UNC5D: variants seen among roughly 807,000 people sequenced by gnomAD.
UNC5D encodes the protein unc-5 netrin receptor D.
A neutral mutation model predicts 105.4 loss-of-function variants in UNC5D; 39 were observed. The ratio of observed to expected loss-of-function variants is 0.37; its 90% CI spans 0.29 to 0.48. UNC5D has a LOEUF of 0.48. Ranked by LOEUF, UNC5D falls within the 20% of genes least tolerant of loss-of-function variation. The pLI is 0.98. For synonymous variants in UNC5D, 452 were observed against 450.4 expected (o/e 1.00, Z -0.04); for missense variants, 991 against 1,202.4 (o/e 0.82, Z 2.60).
chr8:35,235,973 C>G, intron 1 of UNC5D, 86 bp downstream of exon 1: 1 of 1,146,022 alleles, frequency 8.7e-7, no homozygotes, highest in East Asian at 3.3e-5. Flanking sequence ...ATGGCGTTGG[C>G]TTCCCAACTT....
intron 1 of UNC5D, among the ~76,000 whole-genome samples, chr8:35,384,217 TC>T (rs1736521371): frequency 7.0e-6 from 1 of 143,012 alleles, no homozygotes; most frequent in South Asian, 2.2e-4. Flanking sequence ...AGACTCCATT[TC>T]AAAAAAAAAA....
chr8:35,536,212 A>G (rs1814823229), intron 1 of UNC5D, among the ~76,000 whole-genome samples: 1 of 152,242 alleles, frequency 6.6e-6, no homozygotes, highest in Non-Finnish European at 1.5e-5. Flanking sequence ...CATCCCAATC[A>G]GGATAACTGT....
chr8:35,396,006 C>G (rs1381598585), intron 1 of UNC5D, among the ~76,000 whole-genome samples: 1 of 152,128 alleles, frequency 6.6e-6, no homozygotes, highest in South Asian at 2.1e-4. Context: ...GAAAAAGCCC[C>G]AGAGCTTGAG....
intron 1 of UNC5D, among the ~76,000 whole-genome samples, chr8:35,241,863 T>C (rs555075577): frequency 2.6e-5 from 4 of 152,188 alleles, no homozygotes; most frequent in Admixed American, 6.5e-5. Context: ...TTCAGCTATT[T>C]TGGAATATGC....
intron 11 of UNC5D, among the ~76,000 whole-genome samples, chr8:35,741,746 A>G (rs1483394575): frequency 6.6e-6 from 1 of 152,186 alleles, no homozygotes; most frequent in Non-Finnish European, 1.5e-5. Context: ...TGGAGCACCA[A>G]GGCCCCAGTG....
At chr8:35,678,224 T>C (rs1345124735) in intron 4 of UNC5D, among the ~76,000 whole-genome samples, 1 of 152,046 alleles carries the variant, frequency 6.6e-6, no homozygotes, top group Non-Finnish European at 1.5e-5. Flanking sequence ...TCTTCTGGAG[T>C]TGTGCAGTGG....
intron 1 of UNC5D, among the ~76,000 whole-genome samples, chr8:35,285,354 T>C (rs1227590032): frequency 6.6e-6 from 1 of 152,194 alleles, no homozygotes; most frequent in East Asian, 1.9e-4. Flanking sequence ...GGACATTCTG[T>C]AGTATTTGGA....
chr8:35,288,738 A>G (rs550429767), intron 1 of UNC5D, among the ~76,000 whole-genome samples: 2 of 152,332 alleles, frequency 1.3e-5, no homozygotes, highest in South Asian at 4.1e-4. Flanking sequence ...GTGAAAGTGT[A>G]GTTTTTATAT....
intron 4 of UNC5D, among the ~76,000 whole-genome samples, chr8:35,602,151 C>A (rs368144807): frequency 6.6e-6 from 1 of 152,176 alleles, no homozygotes; most frequent in East Asian, 1.9e-4. Flanking sequence ...ATTAAGCCCA[C>A]TTGATCATGG....
intron 4 of UNC5D, among the ~76,000 whole-genome samples, chr8:35,675,794 A>G (rs778356380): frequency 3.3e-5 from 5 of 152,010 alleles, no homozygotes; most frequent in African/African-American, 4.8e-5. Context: ...TAAAGGATTA[A>G]TAACATCACT....
intron 1 of UNC5D, among the ~76,000 whole-genome samples, chr8:35,238,137 A>T (rs555039766): frequency 6.6e-6 from 1 of 152,336 alleles, no homozygotes; most frequent in African/African-American, 2.4e-5. Context: ...GGGGTATAGA[A>T]TTATGCCATT....
intron 4 of UNC5D, among the ~76,000 whole-genome samples, chr8:35,680,159 C>T (rs1393006215): frequency 6.6e-6 from 1 of 152,166 alleles, no homozygotes; most frequent in Admixed American, 6.5e-5. Context: ...TAAATGTCAA[C>T]ATGAATTTTG....
At chr8:35,588,779 G>A (rs1480281401) in intron 3 of UNC5D, among the ~76,000 whole-genome samples, 3 of 152,186 alleles carry the variant, frequency 2.0e-5, no homozygotes, top group Non-Finnish European at 2.9e-5. Flanking sequence ...AGTGGCTCAT[G>A]ACTGTAATCC....
chr8:35,463,203 C>T lies in UNC5D; in HGVS notation c.104-86089C>T, dbSNP rs562133195. On this transcript the variant is annotated intron_variant, in intron 1 of 16. Coordinates refer to ENST00000404895, the MANE Select transcript of UNC5D (RefSeq NM_080872.4). ...CTGCCCACAGAGCACACCCTCTCCT[C>T]TCTGCCTAGTGCTGTATCCCAGTAT... 4.6e-5 allele frequency among the ~76,000 whole-genome samples: 7 copies of T among 152,338 alleles called. No individual in the cohort carries two copies. The South Asian group carries it at 8.3e-4, about 18-fold the overall frequency.
At chr8:35,776,072 G>A (rs138079432) in intron 16 of UNC5D, among the ~76,000 whole-genome samples, 1 of 152,156 alleles carries the variant, frequency 6.6e-6, no homozygotes, top group African/African-American at 2.4e-5. Flanking sequence ...TGATCAACAT[G>A]GATCCAAAAA....
intron 13 of UNC5D, 43 bp downstream of exon 13, chr8:35,750,852 T>A (rs370943462): frequency 1.2e-6 from 2 of 1,607,798 alleles, no homozygotes; most frequent in Non-Finnish European, 1.7e-6. Flanking sequence ...GTCATGAAAG[T>A]GTGTGTTTTC....
At chr8:35,699,258 C>T (rs1246315868) in intron 7 of UNC5D, among the ~76,000 whole-genome samples, 1 of 151,992 alleles carries the variant, frequency 6.6e-6, no homozygotes, top group Non-Finnish European at 1.5e-5. Context: ...TTTGTCCAGT[C>T]CCCCCAGTTT....
chr8:35,367,592 A>G (rs2128922741), intron 1 of UNC5D, among the ~76,000 whole-genome samples: 1 of 152,314 alleles, frequency 6.6e-6, no homozygotes, highest in Admixed American at 6.5e-5. Context: ...AACTGTATAA[A>G]CCCTCAAATA....
intron 1 of UNC5D, among the ~76,000 whole-genome samples, chr8:35,324,255 G>A (rs982662182): frequency 1.9e-3 from 151 of 77,798 alleles, no homozygotes; most frequent in Non-Finnish European, 2.9e-3. Context: ...AAAAAAAAAA[G>A]TGATGAGTCA....
Sources: allele counts gnomAD v4.1 joint callset (sites outside exome capture counted in the v4.1 genomes callset), GRCh38; gene constraint gnomAD v4.1.1; transcripts MANE v1.5; gene names NCBI Gene and HGNC (gene_info 2026-07-23, HGNC 2026-07-21).